Variants in DLGAP2 observed in about 807,000 individuals in gnomAD.
The protein encoded by DLGAP2 is disks large-associated protein 2.
Under a neutral mutation model 100.3 loss-of-function variants are expected in DLGAP2, and 26 were observed. That is an observed-to-expected ratio of 0.26 (90% CI 0.19 to 0.36). The LOEUF is 0.36. DLGAP2 is among the 10% of genes least tolerant of loss of function. The pLI is 1.00. For synonymous variants in DLGAP2, 886 were observed against 630.1 expected, an observed-to-expected ratio of 1.41 and a Z score of -6.08; for missense variants, 1,858 against 1,453.2, an observed-to-expected ratio of 1.28 and a Z score of -4.53.
intron 1 of DLGAP2, among the ~76,000 whole-genome samples, chr8:745,286 A>C (rs1437327639): frequency 6.6e-6 from 1 of 152,244 alleles, no homozygotes; most frequent in Non-Finnish European, 1.5e-5. Context: ...ATAATTTAGA[A>C]ATTTGCATAA....
chr8:1,412,792 C>G (rs1301958213), intron 3 of DLGAP2, among the ~76,000 whole-genome samples: 1 of 152,212 alleles, frequency 6.6e-6, no homozygotes, highest in East Asian at 1.9e-4. Flanking sequence ...CTAACATACC[C>G]TCCCTATTCA....
intron 3 of DLGAP2, among the ~76,000 whole-genome samples, chr8:1,268,393 T>G (rs1167130310): frequency 6.6e-6 from 1 of 152,234 alleles, no homozygotes; most frequent in African/African-American, 2.4e-5. Context: ...ATTAGAATTA[T>G]TCTCAGTAAT....
chr8:1,317,512 G>T (rs369676966), intron 3 of DLGAP2, among the ~76,000 whole-genome samples: 14 of 122,228 alleles, frequency 1.1e-4, no homozygotes, highest in South Asian at 2.9e-4. Flanking sequence ...ACTTGGCAGC[G>T]TTTAAAAATA....
At chr8:1,459,095 C>G (rs1262684497) in intron 3 of DLGAP2, among the ~76,000 whole-genome samples, 1 of 141,424 alleles carries the variant, frequency 7.1e-6, no homozygotes. Context: ...GCGTCCCAGA[C>G]AGGAGTGACA....
chr8:1,521,788 C>T (rs555138059), intron 4 of DLGAP2, among the ~76,000 whole-genome samples: 368 of 112,544 alleles, frequency 3.3e-3, no homozygotes, highest in African/African-American at 0.013. Context: ...AATACTCGGG[C>T]GGCAGGTGAT....
At chr8:917,313 A>T (rs1798615871) in intron 2 of DLGAP2, among the ~76,000 whole-genome samples, 1 of 147,742 alleles carries the variant, frequency 6.8e-6, no homozygotes, top group Non-Finnish European at 1.5e-5. Context: ...ACCACAGTTC[A>T]CTAGAACCTC....
At chr8:1,616,643 T>A (rs543878772) in intron 6 of DLGAP2, among the ~76,000 whole-genome samples, 2 of 152,306 alleles carry the variant, frequency 1.3e-5, no homozygotes, top group South Asian at 2.1e-4. Flanking sequence ...CCAGCAAAAA[T>A]ATCTTTTAAA....
chr8:1,182,686 C>T (rs111237154), intron 2 of DLGAP2, among the ~76,000 whole-genome samples: 3 of 152,342 alleles, frequency 2.0e-5, no homozygotes, highest in African/African-American at 4.8e-5. Context: ...CCGTAGGTCA[C>T]TGAGTCTGCC....
intron 6 of DLGAP2, among the ~76,000 whole-genome samples, chr8:1,571,433 T>TC (rs1802674350): frequency 1.7e-5 from 1 of 60,340 alleles, no homozygotes; most frequent in South Asian, 6.5e-4. Flanking sequence ...AATTGTGGGG[T>TC]GTCTGATGAG....
At chr8:1,509,280 G>A (rs1383145287) in intron 4 of DLGAP2, among the ~76,000 whole-genome samples, 2 of 148,470 alleles carry the variant, frequency 1.3e-5, no homozygotes, top group Non-Finnish European at 3.0e-5. Context: ...GCAGTGAGCT[G>A]ATATTACGCC....
intron 8 of DLGAP2, among the ~76,000 whole-genome samples, chr8:1,648,916 A>T (rs1798102814): frequency 6.6e-6 from 1 of 152,196 alleles, no homozygotes; most frequent in African/African-American, 2.4e-5. Context: ...GGGAAAACCT[A>T]CAAATCCTAT....
intron 3 of DLGAP2, among the ~76,000 whole-genome samples, chr8:1,416,575 G>A (rs1045535350): frequency 6.6e-6 from 1 of 152,124 alleles, no homozygotes; most frequent in Admixed American, 6.5e-5. Context: ...CTCCACGGCC[G>A]CCCCTTCTTT....
chr8:1,140,398 A>C (rs939746050), intron 2 of DLGAP2, among the ~76,000 whole-genome samples: 3 of 146,736 alleles, frequency 2.0e-5, no homozygotes, highest in African/African-American at 7.4e-5. Flanking sequence ...TCCATGCCTC[A>C]TGCCCTAGGG....
chr8:1,003,066 G>C (rs1801006814), intron 2 of DLGAP2: 1 of 152,328 alleles, frequency 6.6e-6, no homozygotes, highest in Non-Finnish European at 1.5e-5. Context: ...CTGAGTCCCT[G>C]AGCCACTGTC....
intron 14 of DLGAP2, among the ~76,000 whole-genome samples, chr8:1,698,251 A>C (rs1307142507): frequency 6.6e-6 from 1 of 152,218 alleles, no homozygotes; most frequent in African/African-American, 2.4e-5. Context: ...CACGTAAGCC[A>C]TGCGTGGGAC....
At chr8:1,145,396 G>C (rs966630059) in intron 2 of DLGAP2, among the ~76,000 whole-genome samples, 3 of 152,154 alleles carry the variant, frequency 2.0e-5, no homozygotes, top group Non-Finnish European at 4.4e-5. Flanking sequence ...CCCAGCGTGG[G>C]GCCTGGGAGA....
intron 3 of DLGAP2, among the ~76,000 whole-genome samples, chr8:1,493,963 C>A (rs896089211): frequency 2.0e-5 from 3 of 152,196 alleles, no homozygotes. Flanking sequence ...CTGGTGGGAA[C>A]GTGTTGTATC....
chr8:1,698,437 C>G (rs114767249), intron 14 of DLGAP2, among the ~76,000 whole-genome samples: 1 of 147,940 alleles, frequency 6.8e-6, no homozygotes, highest in East Asian at 2.0e-4. Context: ...TGGGAGTAGG[C>G]TGGTCCACGT....
rs1430042752 is a variant in DLGAP2 at position 1,170,669 on chromosome 8, G to A, written c.74-88182G>A. ...CTTCTAGATTTTCTAGTTTATTTGC[G>A]TAGAGGTGTTTGTAATATTCTCTGA... On this transcript the variant is annotated intron_variant, in intron 2 of 14. Coordinates refer to ENST00000637795, the MANE Select transcript of DLGAP2 (RefSeq NM_001346810.2). Among the ~76,000 whole-genome samples the A allele has an allele frequency of 1.9e-4, 27 of 144,782 alleles. 2 individuals are homozygous for A. The highest frequency in any genetic ancestry group is 1.2e-3 in the East Asian group (6 of 4,950). 95.0% of individuals were successfully genotyped at this position (144,782 alleles called of 152,430 possible).
Sources: gnomAD v4.1 joint callset for allele counts (sites outside exome capture counted in the v4.1 genomes callset) on GRCh38, gnomAD v4.1.1 for gene constraint, MANE v1.5 for transcripts, NCBI Gene and HGNC (gene_info 2026-07-23, HGNC 2026-07-21) for gene names.